The following GPC3 variants were observed in gnomAD, a reference collection of about 807,000 sequenced individuals.
GPC3 encodes the protein glypican 3, also known as glypican-3.
A neutral mutation model predicts 34.4 loss-of-function variants in GPC3; 3 were observed. The observed-to-expected ratio is 0.09, with a 90% CI of 0.04 to 0.23. GPC3 has a LOEUF of 0.23. GPC3 is among the 10% of genes least tolerant of loss of function. GPC3 has a pLI of 1.00. For synonymous variants in GPC3, 177 were observed against 174.0 expected, an observed-to-expected ratio of 1.02 and a Z score of -0.13; for missense variants, 351 against 445.6, an observed-to-expected ratio of 0.79 and a Z score of 1.91.
intron 1 of GPC3, among the ~76,000 whole-genome samples, chrX:133,962,255 A>G (rs2076444726): frequency 8.9e-6 from 1 of 111,909 alleles, no homozygotes; most frequent in South Asian, 3.7e-4. Context: ...CTTTATAAAG[A>G]CACTTCTCAC....
intron 2 of GPC3, among the ~76,000 whole-genome samples, chrX:133,788,042 G>T: frequency 1.1e-5 from 1 of 91,713 alleles, no homozygotes; most frequent in African/African-American, 4.2e-5. Context: ...GATGTTTTAT[G>T]ATATATACAT....
chrX:133,752,031 A>G (rs1247074101), intron 3 of GPC3, among the ~76,000 whole-genome samples: 1 of 109,327 alleles, frequency 9.1e-6, no homozygotes, highest in East Asian at 2.9e-4. Context: ...AATTTTTTGT[A>G]TTTATTTATT....
chrX:133,788,090 A>T (rs1478166938), intron 2 of GPC3, among the ~76,000 whole-genome samples: 112 of 16,556 alleles, frequency 6.8e-3, no homozygotes, highest in Non-Finnish European at 0.014. Flanking sequence ...ATATTATTTT[A>T]TATATATATA....
intron 2 of GPC3, among the ~76,000 whole-genome samples, chrX:133,947,260 A>G (rs2076372937): frequency 9.0e-6 from 1 of 111,279 alleles, no homozygotes. Flanking sequence ...TGATGATGAC[A>G]GCAAGAGGAG....
intron 2 of GPC3, among the ~76,000 whole-genome samples, chrX:133,869,476 G>A (rs1182265060): frequency 2.7e-5 from 3 of 111,708 alleles, no homozygotes; most frequent in South Asian, 3.8e-4. Context: ...CACCTGTTGG[G>A]GTTCAGTGAG....
At chrX:133,611,440 A>G (rs1569396074) in intron 6 of GPC3, among the ~76,000 whole-genome samples, 2 of 112,234 alleles carry the variant, frequency 1.8e-5, no homozygotes, top group African/African-American at 6.5e-5. Context: ...ACAACCTTTC[A>G]AAGTTCTCAT....
intron 7 of GPC3, among the ~76,000 whole-genome samples, chrX:133,555,833 A>T (rs982690597): frequency 1.1e-4 from 12 of 109,740 alleles, no homozygotes; most frequent in South Asian, 3.9e-4. Context: ...ATCTCAAAAA[A>T]AAAAATAAAA....
intron 3 of GPC3, among the ~76,000 whole-genome samples, chrX:133,703,876 G>T (rs1339602771): frequency 8.9e-6 from 1 of 112,416 alleles, no homozygotes; most frequent in Non-Finnish European, 1.9e-5. Context: ...TAGATCAGGG[G>T]TGTCCAATCT....
chrX:133,577,716 T>G (rs754345311), intron 7 of GPC3, among the ~76,000 whole-genome samples: 21 of 112,291 alleles, frequency 1.9e-4, no homozygotes, highest in Non-Finnish European at 3.0e-4. Flanking sequence ...TACTGATGTT[T>G]GCCCCTGTGA....
chrX:133,927,088 C>T (rs1465381858), intron 2 of GPC3, among the ~76,000 whole-genome samples: 4 of 110,966 alleles, frequency 3.6e-5, no homozygotes, highest in East Asian at 2.9e-4. Flanking sequence ...TAAGGGGTTC[C>T]GCTCCAGTAC....
chrX:133,827,395 C>T (rs1396351794), intron 2 of GPC3, among the ~76,000 whole-genome samples: 1 of 111,987 alleles, frequency 8.9e-6, no homozygotes, highest in African/African-American at 3.3e-5. Context: ...TACAGCAAAA[C>T]TTATAAATCT....
intron 2 of GPC3, among the ~76,000 whole-genome samples, chrX:133,806,534 C>T (rs1449545447): frequency 9.0e-6 from 1 of 111,685 alleles, no homozygotes; most frequent in Non-Finnish European, 1.9e-5. Flanking sequence ...TTGTTTATAC[C>T]TCAGTAAATT....
intron 2 of GPC3, among the ~76,000 whole-genome samples, chrX:133,804,556 T>C (rs1222628458): frequency 9.0e-6 from 1 of 110,709 alleles, no homozygotes; most frequent in Non-Finnish European, 1.9e-5. Context: ...AAACACTAAA[T>C]TCATCTCTTT....
At chrX:133,814,602 C>A (rs1245160827) in intron 2 of GPC3, among the ~76,000 whole-genome samples, 3 of 110,754 alleles carry the variant, frequency 2.7e-5, no homozygotes, top group Non-Finnish European at 5.7e-5. Context: ...GAGTCTCACT[C>A]TATTGCCCAG....
chrX:133,966,561 A>G (rs2076464243), intron 1 of GPC3, among the ~76,000 whole-genome samples: 1 of 112,150 alleles, frequency 8.9e-6, no homozygotes, highest in African/African-American at 3.2e-5. Flanking sequence ...CGTGCCCTCT[A>G]TTATATCTTT....
chrX:133,607,809 G>A (rs1266130025), intron 6 of GPC3, among the ~76,000 whole-genome samples: 2 of 112,406 alleles, frequency 1.8e-5, no homozygotes, highest in African/African-American at 6.5e-5. Flanking sequence ...CATGAGGGAG[G>A]AGGGCAAAGT....
At chrX:133,536,369 A>C (rs2069292798) in intron 7 of GPC3, 76 bp from the exon 8 acceptor site, 3 of 744,358 alleles carry the variant, frequency 4.0e-6, no homozygotes, top group African/African-American at 4.3e-5. Context: ...CAGCTCGAGC[A>C]TGTGTCTGGA....
At chrX:133,627,418 T>A (rs1482829340) in intron 6 of GPC3, among the ~76,000 whole-genome samples, 2 of 111,979 alleles carry the variant, frequency 1.8e-5, no homozygotes, top group East Asian at 5.6e-4. Context: ...TATAGTTTCC[T>A]GGGGGAGTAA....
chrX:133,892,950 C>T (rs922721390), intron 2 of GPC3, among the ~76,000 whole-genome samples: 8 of 111,555 alleles, frequency 7.2e-5, no homozygotes, highest in Non-Finnish European at 1.1e-4. Context: ...GGAGAGTCAT[C>T]GCACCTTTTT....
Sources: gnomAD v4.1 joint callset for allele counts (sites outside exome capture counted in the v4.1 genomes callset) on GRCh38, gnomAD v4.1.1 for gene constraint, MANE v1.5 for transcripts, NCBI Gene and HGNC (gene_info 2026-07-23, HGNC 2026-07-21) for gene names.